Variants in COX4I1 observed in about 807,000 individuals in gnomAD.
COX4I1 encodes the protein cytochrome c oxidase subunit 4I1.
COX4I1 carries 18 observed loss-of-function variants against 21.7 expected under a neutral mutation model. That is an observed-to-expected ratio of 0.83 (90% CI 0.57 to 1.23). The LOEUF (loss-of-function observed/expected upper bound fraction) is 1.23. COX4I1 is among the 50% of genes most tolerant of loss of function. The probability of loss-of-function intolerance (pLI) is 0.00; values close to 1 mark genes in which losing one functional copy is unlikely to be tolerated. For synonymous variants in COX4I1, 100 were observed against 81.5 expected (o/e 1.23, Z -1.23); for missense variants, 238 against 220.7 (o/e 1.08, Z -0.50).
chr16:85,806,954 T>TA lies in COX4I1; in HGVS notation c.*81dup. The TA allele has an allele frequency of 6.7e-7, 1 of 1,485,622 alleles. No homozygotes were observed. Among genetic ancestry groups the TA allele is most frequent in the Non-Finnish European group, 9.2e-7 (1 of 1,090,318 alleles). 92.0% of individuals were successfully genotyped at this position (1,485,622 alleles called of 1,614,324 possible). ...CCATGCCTATTTACTGGAAACCTGT[T>TA]ATGCCAAACAGTTGTACCACTGCTA... On this transcript the variant is annotated 3_prime_UTR_variant, in exon 5 of 5. Coordinates refer to ENST00000253452, the MANE Select transcript of COX4I1 (RefSeq NM_001861.6).
At chr16:85,802,417 G>A (rs1597216121) in intron 2 of COX4I1, among the ~76,000 whole-genome samples, 1 of 152,212 alleles carries the variant, frequency 6.6e-6, no homozygotes, top group African/African-American at 2.4e-5. Flanking sequence ...CAGGGAGCCT[G>A]CCTGTCTTAC....
intron 1 of COX4I1, 29 bp from the exon 2 acceptor site, chr16:85,801,176 T>C (rs1318466885): frequency 1.9e-6 from 3 of 1,576,682 alleles, no homozygotes; most frequent in Admixed American, 1.7e-5. Context: ...TCCTTATTCA[T>C]AGAGAAGGTG....
At chr16:85,803,063 G>T (rs181159405) in intron 2 of COX4I1, 1 of 152,178 alleles carries the variant, frequency 6.6e-6, no homozygotes, top group African/African-American at 2.4e-5. Context: ...GTCAGTTCTA[G>T]AACATTCTCA....
At position 85,801,264 on chromosome 16, in the gene COX4I1, G is replaced by A. The variant is rs1905733257; in HGVS notation, c.59G>A (p.Cys20Tyr). 1 of 1,609,966 alleles carries A rather than the reference G, an allele frequency of 6.2e-7. No homozygotes were observed. The highest frequency in any genetic ancestry group is 1.1e-5 in the South Asian group (1 of 90,908). ...AAGCGAGCAATTTCCACCTCTGTGTGTGTACGAGCTCATGGTAAGTGTGAC... is the reference window on the plus strand; with the variant it reads ...AAGCGAGCAATTTCCACCTCTGTGTATGTACGAGCTCATGGTAAGTGTGAC... Reference protein sequence around the residue: ...VGKRAISTSVCVRAHESVVKS... With the variant: ...VGKRAISTSVYVRAHESVVKS... The change falls in exon 2 of 5, where the codon TGT becomes TAT. Residue 20 changes from cysteine (C) to tyrosine (Y), a missense_variant. Coordinates refer to ENST00000253452, the MANE Select transcript of COX4I1 (RefSeq NM_001861.6).
In COX4I1 at chr16:85,802,161, C is replaced by G. The variant is rs7193393; in HGVS notation, c.73+883C>G. 7.3e-3 allele frequency among the ~76,000 whole-genome samples: 1,111 copies of G among 152,316 alleles called. 17 individuals carry two copies. Among genetic ancestry groups the G allele is most frequent in the African/African-American group, 0.025 (1,035 of 41,570 alleles). On this transcript the variant is annotated intron_variant, in intron 2 of 4. Transcript: ENST00000253452. ...ACCACCCATCCCCACTTGCTCACTGCCCCAGCCCCCTGGCCTTACTCCATT... is the reference window on the plus strand; with the variant it reads ...ACCACCCATCCCCACTTGCTCACTGGCCCAGCCCCCTGGCCTTACTCCATT...
At chr16:85,804,157 A>G (rs1905982054) in intron 2 of COX4I1, 1 of 152,246 alleles carries the variant, frequency 6.6e-6, no homozygotes, top group Non-Finnish European at 1.5e-5. Flanking sequence ...CTGGTTGGAC[A>G]CAGGTTCCCT....
intron 2 of COX4I1, among the ~76,000 whole-genome samples, chr16:85,801,762 A>T (rs1905783888): frequency 1.3e-5 from 2 of 152,202 alleles, no homozygotes; most frequent in African/African-American, 4.8e-5. Context: ...CACCTGAAGT[A>T]TATGGACAGA....
At chr16:85,801,369 C>A (rs1905744323) in intron 2 of COX4I1, 91 bp downstream of exon 2, 3 of 1,131,042 alleles carry the variant, frequency 2.7e-6, no homozygotes, top group Non-Finnish European at 2.6e-6. Flanking sequence ...GTTTTAAAGA[C>A]CTTAATTCGG....
At chr16:85,805,247 C>G in intron 3 of COX4I1, 143 bp downstream of exon 3, 1 of 767,612 alleles carries the variant, frequency 1.3e-6, no homozygotes, top group South Asian at 1.9e-5. Flanking sequence ...GGTCACTGTG[C>G]CAGGGCCCCA....
chr16:85,800,841 C>A (rs541500480), intron 1 of COX4I1, among the ~76,000 whole-genome samples: 1 of 152,320 alleles, frequency 6.6e-6, no homozygotes, highest in Admixed American at 6.5e-5. Flanking sequence ...CCAGGCTGGT[C>A]TTGAACCCCT....
chr16:85,805,908 C>T (rs1906162696), intron 4 of COX4I1, 44 bp downstream of exon 4: 1 of 1,612,276 alleles, frequency 6.2e-7, no homozygotes, highest in Non-Finnish European at 8.5e-7. Context: ...GACTGGGGCT[C>T]CAGCCTGCAG....
intron 2 of COX4I1, among the ~76,000 whole-genome samples, chr16:85,801,487 G>A (rs1437521908): frequency 1.3e-5 from 2 of 152,068 alleles, no homozygotes; most frequent in Non-Finnish European, 2.9e-5. Flanking sequence ...TGGTTATACT[G>A]ATACTTCCCC....
chr16:85,806,355 C>T, intron 4 of COX4I1: 1 of 657,534 alleles, frequency 1.5e-6, no homozygotes, highest in Non-Finnish European at 2.8e-6. Flanking sequence ...TCTGTCCAGG[C>T]AGAACAGGCA....
At chr16:85,804,688 C>A (rs1209911791) in intron 2 of COX4I1, 2 of 383,316 alleles carry the variant, frequency 5.2e-6, no homozygotes, top group Non-Finnish European at 9.5e-6. Flanking sequence ...GAAGTGCTGC[C>A]TCTGGGCACC....
intron 2 of COX4I1, 168 bp from the exon 3 acceptor site, chr16:85,804,769 C>T: frequency 1.7e-6 from 1 of 588,944 alleles, no homozygotes; most frequent in Middle Eastern, 4.6e-4. Context: ...TGCTTCTGTT[C>T]CCCCTCCACC....
chr16:85,806,288 G>C, intron 4 of COX4I1: 2 of 606,136 alleles, frequency 3.3e-6, no homozygotes, highest in South Asian at 4.0e-5. Context: ...CTGATAGTTT[G>C]TGTGTGGGCA....
intron 3 of COX4I1, 80 bp downstream of exon 3, chr16:85,805,184 G>A: frequency 7.4e-7 from 1 of 1,345,048 alleles, no homozygotes; most frequent in South Asian, 1.4e-5. Context: ...TCACTTCTGG[G>A]CCTACTGTCT....
In COX4I1 at chr16:85,799,710, G is replaced by A. The variant is rs375390360; in HGVS notation, c.-44G>A. 2.5e-5 allele frequency: 4 copies of A among 161,836 alleles called. No individual in the cohort carries two copies. The highest frequency in any genetic ancestry group is 9.6e-5 in the African/African-American group (4 of 41,880). 10.0% of individuals were successfully genotyped at this position (161,836 alleles called of 1,614,324 possible). A position where few individuals can be genotyped will look rare whatever the true frequency, so the allele number is the denominator to read the frequency against. ...CGGCCTTGCTCTCTTCCGGTCGCGG[G>A]ACACCGGGTGTAGAGGGCGGTCGCG... On this transcript the variant is annotated 5_prime_UTR_variant, in exon 1 of 5. Transcript: ENST00000253452. The surrounding 1 kb of genome is among the most constrained non-coding windows in gnomAD (Gnocchi z 4.2).
At chr16:85,800,671 T>C (rs1472453991) in intron 1 of COX4I1, among the ~76,000 whole-genome samples, 1 of 152,194 alleles carries the variant, frequency 6.6e-6, no homozygotes, top group African/African-American at 2.4e-5. Flanking sequence ...TTGCCCAGGC[T>C]GGGGTGCAGT....
Sources: gnomAD v4.1 joint callset for allele counts (sites outside exome capture counted in the v4.1 genomes callset) on GRCh38, gnomAD v4.1.1 for gene constraint, Gnocchi (gnomAD v3.1) non-coding constraint, MANE v1.5 for transcripts, NCBI Gene and HGNC (gene_info 2026-07-23, HGNC 2026-07-21) for gene names.